The following DPP3 variants were observed in gnomAD, a reference collection of about 807,000 sequenced individuals.
The protein encoded by DPP3 is dipeptidyl peptidase 3.
DPP3 carries 64 observed loss-of-function variants against 89.8 expected under a neutral mutation model. The observed-to-expected ratio is 0.71, with a 90% confidence interval of 0.58 to 0.88. The LOEUF (loss-of-function observed/expected upper bound fraction) is 0.88, where lower values mean the gene tolerates loss of function less well. Among genes scored for constraint, DPP3 ranks in the 40% least tolerant of loss-of-function variants. The pLI is 0.00. For synonymous variants in DPP3, 377 were observed against 404.3 expected, an observed-to-expected ratio of 0.93 and a Z score of 0.81; for missense variants, 835 against 972.5, an observed-to-expected ratio of 0.86 and a Z score of 1.88.
Position 66,495,290 on chromosome 11 carries a change from C to T in DPP3, c.1452+22C>T, listed in dbSNP as rs201347975. On this transcript the variant is annotated intron_variant, in intron 13 of 17. Coordinates refer to ENST00000531863, the MANE Select transcript of DPP3 (RefSeq NM_130443.4). ...GCAGGTGAGGGAGGCCTCAGCAGAG[C>T]CCCAGGGTACTGGGAGGGTGGGCAC... The T allele has an allele frequency of 1.6e-5, 26 of 1,613,670 alleles. No homozygotes were observed. In the African/African-American group the frequency reaches 3.1e-4, roughly 19 times the overall value.
intron 12 of DPP3, 83 bp from the exon 13 acceptor site, chr11:66,495,123 C>A: frequency 6.2e-7 from 1 of 1,606,716 alleles, no homozygotes; most frequent in Non-Finnish European, 8.5e-7. Flanking sequence ...CTTCCTGAGC[C>A]ACTTTCCGGC....
In DPP3 at chr11:66,491,065, G is replaced by A. The variant is rs141862297; in HGVS notation, c.668-188G>A. Among the ~76,000 whole-genome samples, 88 of 152,178 alleles carry A rather than the reference G, an allele frequency of 5.8e-4. 1 individual carries two copies. Among genetic ancestry groups the A allele is most frequent in the African/African-American group, 2.0e-3 (85 of 41,532 alleles). Reference sequence around the variant, plus strand: ...ATTACAGGCGTAAGCCACCATGCCCGGCTGATATATATTTTTTTGAAGTTG... The same window carrying A: ...ATTACAGGCGTAAGCCACCATGCCCAGCTGATATATATTTTTTTGAAGTTG... On this transcript the variant is annotated intron_variant, in intron 6 of 17. Transcript: ENST00000531863.
chr11:66,486,780 C>T lies in DPP3; in HGVS notation c.498+103C>T, dbSNP rs1855241577. ...CGGGATGGGGAGGCAGTGGGCTCTG[C>T]CTCACACTCCTGAGGCAATGCTGCT... On this transcript the variant is annotated intron_variant, in intron 4 of 17. Coordinates refer to ENST00000531863, the MANE Select transcript of DPP3 (RefSeq NM_130443.4). 4 of 1,357,766 alleles carry T rather than the reference C, an allele frequency of 2.9e-6. No individual in the cohort carries two copies. In the South Asian group the frequency reaches 5.3e-5, roughly 18 times the overall value. The allele number at this position is 1,357,766 out of a possible 1,614,324, so 84.1% of individuals were successfully genotyped here.
intron 1 of DPP3, chr11:66,480,692 G>C (rs1456741549): frequency 4.5e-6 from 2 of 444,786 alleles, no homozygotes; most frequent in East Asian, 3.7e-5. Flanking sequence ...GGCCGGGGCA[G>C]GGCGAGGAGG....
intron 4 of DPP3, 56 bp from the exon 5 acceptor site, chr11:66,487,212 C>T (rs1225770168): frequency 6.4e-7 from 1 of 1,569,508 alleles, no homozygotes; most frequent in East Asian, 2.2e-5. Flanking sequence ...TATGACGTCC[C>T]TGCAGCCCTG....
chr11:66,487,439 C>T, intron 5 of DPP3, 97 bp downstream of exon 5: 2 of 1,284,684 alleles, frequency 1.6e-6, no homozygotes, highest in Non-Finnish European at 2.2e-6. Context: ...CTCTGCTTGA[C>T]TACTCCCTGT....
At chr11:66,497,275 C>T in intron 15 of DPP3, 23 bp from the exon 16 acceptor site, 1 of 1,607,940 alleles carries the variant, frequency 6.2e-7, no homozygotes. Context: ...GCTACAAATG[C>T]TGTCTTTCCC....
chr11:66,497,383 C>G lies in DPP3; in HGVS notation c.1784C>G (p.Ser595Cys), dbSNP rs1855565942. 6.2e-7 allele frequency: 1 copy of G among 1,613,900 alleles called. No individual in the cohort carries two copies. Among genetic ancestry groups the G allele is most frequent in the African/African-American group, 1.3e-5 (1 of 74,930 alleles). The change falls in exon 16 of 18, where the codon TCC (serine) becomes TGC (cysteine). Residue 595 changes from serine (S) to cysteine (C), a missense_variant. Coordinates refer to ENST00000531863, the MANE Select transcript of DPP3 (RefSeq NM_130443.4). Reference protein sequence around the residue: ...GLVTITPTTGSDGRPDARVRL... With the variant: ...GLVTITPTTGCDGRPDARVRL... ...GTTACCATCACTCCCACCACAGGCT[C>G]CGATGGGCGCCCAGATGCCCGGGTC...
At chr11:66,495,098 T>C (rs1855495069) in intron 12 of DPP3, 108 bp from the exon 13 acceptor site, 2 of 1,534,734 alleles carry the variant, frequency 1.3e-6, no homozygotes, top group Non-Finnish European at 1.8e-6. Context: ...CGCCCGCTCC[T>C]GCGCTCCCGC....
intron 16 of DPP3, among the ~76,000 whole-genome samples, chr11:66,502,618 C>T (rs968059470): frequency 3.3e-5 from 5 of 151,964 alleles, no homozygotes; most frequent in East Asian, 1.9e-4. Flanking sequence ...TACAGGCACC[C>T]GCCTGGCTAA....
intron 16 of DPP3, 22 bp from the exon 17 acceptor site, chr11:66,504,590 A>G (rs750512201): frequency 6.3e-7 from 1 of 1,593,586 alleles, no homozygotes; most frequent in Non-Finnish European, 8.6e-7. Context: ...CATCCTAGAC[A>G]TTTACTCCAT....
chr11:66,481,377 C>T (rs913942095), intron 1 of DPP3, among the ~76,000 whole-genome samples: 1 of 152,144 alleles, frequency 6.6e-6, no homozygotes, highest in African/African-American at 2.4e-5. Context: ...GTAGTCCCAA[C>T]TACTTTGGAG....
At chr11:66,483,032 TA>T (rs1268223021) in intron 2 of DPP3, 5,804 of 100,330 alleles carry the variant, frequency 0.058, 242 homozygotes, top group African/African-American at 0.14. Flanking sequence ...TTTTATTTTT[TA>T]TTTTTTTTTT....
At chr11:66,485,513 G>A (rs1855202598) in intron 3 of DPP3, among the ~76,000 whole-genome samples, 1 of 152,210 alleles carries the variant, frequency 6.6e-6, no homozygotes, top group Non-Finnish European at 1.5e-5. Flanking sequence ...ATGTGGAAGT[G>A]TTCTGTGAAC....
chr11:66,483,082 G>A (rs141895350), intron 2 of DPP3: 1 of 151,676 alleles, frequency 6.6e-6, no homozygotes, highest in African/African-American at 2.4e-5. Context: ...CTGGAGTGCA[G>A]TGGCGTAATG....
intron 5 of DPP3, among the ~76,000 whole-genome samples, chr11:66,487,658 C>T (rs1435363362): frequency 6.6e-6 from 1 of 152,124 alleles, no homozygotes; most frequent in Non-Finnish European, 1.5e-5. Flanking sequence ...GCCCTGGGTT[C>T]GCAGAGGCCG....
chr11:66,495,019 G>A (rs1361921028), intron 12 of DPP3, among the ~76,000 whole-genome samples, 187 bp from the exon 13 acceptor site: 1 of 152,220 alleles, frequency 6.6e-6, no homozygotes, highest in Non-Finnish European at 1.5e-5. Flanking sequence ...TGGCTCTGAG[G>A]AGGCAGCCAG....
chr11:66,480,806 G>A (rs1855056168), intron 1 of DPP3: 2 of 259,266 alleles, frequency 7.7e-6, no homozygotes, highest in Non-Finnish European at 1.5e-5. Flanking sequence ...GTAAATTGTT[G>A]CCCTTTCCAA....
intron 16 of DPP3, among the ~76,000 whole-genome samples, chr11:66,499,960 T>C (rs1281982163): frequency 1.3e-5 from 2 of 152,172 alleles, no homozygotes; most frequent in Non-Finnish European, 2.9e-5. Flanking sequence ...TGCCCTGTAC[T>C]GTCCATGGCT....
Sources: allele counts gnomAD v4.1 joint callset (sites outside exome capture counted in the v4.1 genomes callset), GRCh38; gene constraint gnomAD v4.1.1; transcripts MANE v1.5; gene names NCBI Gene and HGNC (gene_info 2026-07-23, HGNC 2026-07-21).